The following RANBP2 variants were observed in gnomAD, a reference collection of about 807,000 sequenced individuals.
The protein encoded by RANBP2 is RAN binding protein 2, also known as E3 SUMO-protein ligase RanBP2.
Under a neutral mutation model 303.6 loss-of-function variants are expected in RANBP2, and 57 were observed. That is an observed-to-expected ratio of 0.19 (90% CI 0.15 to 0.23). The LOEUF (loss-of-function observed/expected upper bound fraction) is 0.23. RANBP2 is among the 10% of genes least tolerant of loss of function. The pLI is 1.00. For synonymous variants in RANBP2, 1,167 were observed against 1,301.5 expected (o/e 0.90, Z 2.23); for missense variants, 3,138 against 3,780.8 (o/e 0.83, Z 4.46).
chr2:109,420,095 G>A, the RANBP2 span, among the ~76,000 whole-genome samples: 1 of 152,248 alleles, frequency 6.6e-6, no homozygotes, highest in East Asian at 1.9e-4. Context: ...ACCAGCGCAT[G>A]CCAGCTGCAT....
the RANBP2 span, among the ~76,000 whole-genome samples, chr2:109,293,630 CT>C: frequency 3.3e-5 from 5 of 152,244 alleles, no homozygotes; most frequent in Non-Finnish European, 5.9e-5. Context: ...TCCAAGACTC[CT>C]TCATTTGTCT....
the RANBP2 span, among the ~76,000 whole-genome samples, chr2:109,192,498 G>A: frequency 2.6e-5 from 4 of 152,240 alleles, no homozygotes; most frequent in Admixed American, 1.3e-4. Context: ...CATTTGTGTT[G>A]GATCAGAGTA....
chr2:109,060,165 G>A, the RANBP2 span, among the ~76,000 whole-genome samples: 1 of 152,080 alleles, frequency 6.6e-6, no homozygotes, highest in Non-Finnish European at 1.5e-5. Context: ...TCGCGCCACT[G>A]CACTCCAGCC....
chr2:109,700,237 A>G, the RANBP2 span, among the ~76,000 whole-genome samples: 4 of 152,220 alleles, frequency 2.6e-5, no homozygotes, highest in Non-Finnish European at 4.4e-5. Context: ...ACTTGTGTGG[A>G]CCCAGAAAAT....
intron 9 of RANBP2, among the ~76,000 whole-genome samples, chr2:108,749,719 G>T (rs1471805479): frequency 6.6e-6 from 1 of 152,166 alleles, no homozygotes; most frequent in Non-Finnish European, 1.5e-5. Context: ...AGCCTCCTGA[G>T]TAGCTGGTAC....
At chr2:108,987,737 C>T in the RANBP2 span, among the ~76,000 whole-genome samples, 1 of 152,182 alleles carries the variant, frequency 6.6e-6, no homozygotes, top group East Asian at 1.9e-4. Context: ...CCACCAGGAT[C>T]GCCAAACTTT....
the RANBP2 span, among the ~76,000 whole-genome samples, chr2:109,542,596 C>T: frequency 1.4e-3 from 217 of 152,272 alleles, no homozygotes; most frequent in African/African-American, 4.7e-3. Flanking sequence ...CACTAAGTAC[C>T]GTGATGCTGG....
the RANBP2 span, among the ~76,000 whole-genome samples, chr2:108,944,413 C>G: frequency 0.01 from 1,584 of 152,320 alleles, 31 homozygotes; most frequent in African/African-American, 0.036. Flanking sequence ...CGTGCCCGGC[C>G]CAGGAATGGT....
At chr2:109,241,631 G>A in the RANBP2 span, among the ~76,000 whole-genome samples, 1 of 152,004 alleles carries the variant, frequency 6.6e-6, no homozygotes, top group Non-Finnish European at 1.5e-5. Flanking sequence ...AGGGCCCCTG[G>A]GACTCTCTGT....
At chr2:108,729,842 C>T (rs1017174077) in intron 2 of RANBP2, among the ~76,000 whole-genome samples, 7 of 151,994 alleles carry the variant, frequency 4.6e-5, no homozygotes, top group Admixed American at 3.3e-4. Flanking sequence ...ACCTCAGCGC[C>T]CCAAGTAGCT....
the RANBP2 span, among the ~76,000 whole-genome samples, chr2:109,435,692 C>G: frequency 1.3e-5 from 2 of 152,378 alleles, no homozygotes; most frequent in East Asian, 3.9e-4. Flanking sequence ...AGATGTGTGT[C>G]TGTATCTGTT....
the RANBP2 span, among the ~76,000 whole-genome samples, chr2:109,065,297 T>G: frequency 1.3e-5 from 2 of 152,154 alleles, no homozygotes; most frequent in African/African-American, 2.4e-5. Flanking sequence ...TTAGTGCACT[T>G]TTTTTTGCTT....
At chr2:109,635,492 T>C in the RANBP2 span, among the ~76,000 whole-genome samples, 3 of 152,298 alleles carry the variant, frequency 2.0e-5, no homozygotes, top group African/African-American at 7.2e-5. Context: ...TAGCATATTG[T>C]ATTTTAAGCA....
chr2:108,820,417 A>G, the RANBP2 span, among the ~76,000 whole-genome samples: 22 of 152,188 alleles, frequency 1.4e-4, no homozygotes, highest in African/African-American at 5.1e-4. Flanking sequence ...GCTTATTTGT[A>G]GAAATAATGG....
chr2:109,094,705 C>G, the RANBP2 span, among the ~76,000 whole-genome samples: 2 of 152,060 alleles, frequency 1.3e-5, no homozygotes, highest in Non-Finnish European at 2.9e-5. Context: ...TGGTGGGTGC[C>G]TGCAATCCCA....
At chr2:108,807,679 A>G in the RANBP2 span, among the ~76,000 whole-genome samples, 10 of 152,176 alleles carry the variant, frequency 6.6e-5, no homozygotes, top group African/African-American at 2.4e-4. Flanking sequence ...GTGCAGTGGC[A>G]TGATCTCGGC....
At chr2:109,758,402 C>G in the RANBP2 span, among the ~76,000 whole-genome samples, 1 of 114,018 alleles carries the variant, frequency 8.8e-6, no homozygotes, top group African/African-American at 3.5e-5. Context: ...AGCAGGATTC[C>G]ATCTCAAAAA....
At chr2:109,048,216 G>A in the RANBP2 span, among the ~76,000 whole-genome samples, 1 of 152,304 alleles carries the variant, frequency 6.6e-6, no homozygotes, top group African/African-American at 2.4e-5. Context: ...AATTGCTGCA[G>A]CTGAATATTT....
the RANBP2 span, among the ~76,000 whole-genome samples, chr2:109,130,380 C>G: frequency 3.4e-4 from 52 of 152,242 alleles, no homozygotes; most frequent in Non-Finnish European, 6.9e-4. Context: ...CTTGGCCGGA[C>G]TTGTTACCCT....
Sources: allele counts gnomAD v4.1 joint callset (sites outside exome capture counted in the v4.1 genomes callset), GRCh38; gene constraint gnomAD v4.1.1; transcripts MANE v1.5; gene names NCBI Gene and HGNC (gene_info 2026-07-23, HGNC 2026-07-21).